PIAS1: variants seen among roughly 807,000 people sequenced by gnomAD.
The protein encoded by PIAS1 is protein inhibitor of activated STAT 1.
A neutral mutation model predicts 71.3 loss-of-function variants in PIAS1; 6 were observed. The ratio of observed to expected loss-of-function variants is 0.08; its 90% CI spans 0.05 to 0.17. PIAS1 has a LOEUF of 0.17. PIAS1 is among the 10% of genes least tolerant of loss of function. PIAS1 has a pLI of 1.00. For missense variants in PIAS1, 555 were observed against 793.6 expected (o/e 0.70, Z 3.61); for synonymous variants, 303 against 292.9 (o/e 1.03, Z -0.35).
chr15:68,063,838 C>T (rs1287839669), intron 1 of PIAS1, among the ~76,000 whole-genome samples: 1 of 151,588 alleles, frequency 6.6e-6, no homozygotes, highest in Non-Finnish European at 1.5e-5. Context: ...CTGCCAGCAC[C>T]TTGGCACAAA....
intron 1 of PIAS1, among the ~76,000 whole-genome samples, chr15:68,060,915 C>T (rs1471835711): frequency 2.0e-5 from 3 of 152,228 alleles, no homozygotes; most frequent in Non-Finnish European, 4.4e-5. Context: ...ATCTCTTGAC[C>T]TCGTAATCTG....
In PIAS1 at chr15:68,192,521, C is replaced by T. The variant is rs1443597537; in HGVS notation, c.*4686C>T. ...TTGGGCCATTTATTTACCCTCACCCCACAAAACTCTTTGGCTCCTAGGAAT... is the reference window on the plus strand; with the variant it reads ...TTGGGCCATTTATTTACCCTCACCCTACAAAACTCTTTGGCTCCTAGGAAT... On this transcript the variant is annotated 3_prime_UTR_variant, in exon 14 of 14. Coordinates refer to ENST00000249636, the MANE Select transcript of PIAS1 (RefSeq NM_016166.3). The T allele has an allele frequency of 6.6e-6, 1 of 152,202 alleles. No homozygotes were observed. Among genetic ancestry groups the T allele is most frequent in the Non-Finnish European group, 1.5e-5 (1 of 68,058 alleles). The allele number at this position is 152,202 out of a possible 1,614,324, so 9.4% of individuals were successfully genotyped here. A position where few individuals can be genotyped will look rare whatever the true frequency, so the allele number is the denominator to read the frequency against.
rs545220482 is a variant in PIAS1 at position 68,077,879 on chromosome 15, A to G, written c.25-8427A>G. On this transcript the variant is annotated intron_variant, in intron 1 of 13. Coordinates refer to ENST00000249636, the MANE Select transcript of PIAS1 (RefSeq NM_016166.3). ...TCTAGGACTTTTCCTTAATCTCTAT[A>G]CTAGGACCCAGACTGAAGGCTGTAA... Among the ~76,000 whole-genome samples, 11 of 152,282 alleles carry G rather than the reference A, an allele frequency of 7.2e-5. No homozygotes were observed. In the South Asian group the frequency reaches 2.1e-3, roughly 29 times the overall value.
At chr15:68,085,027 TCTC>T (rs1305678031) in intron 1 of PIAS1, among the ~76,000 whole-genome samples, 3 of 152,178 alleles carry the variant, frequency 2.0e-5, no homozygotes, top group South Asian at 2.1e-4. Flanking sequence ...TATATACTTT[TCTC>T]CTCAGTATTT....
intron 2 of PIAS1, among the ~76,000 whole-genome samples, chr15:68,099,851 GT>G (rs2092408274): frequency 6.6e-6 from 1 of 151,658 alleles, no homozygotes; most frequent in African/African-American, 2.4e-5. Flanking sequence ...ACTCATTTTG[GT>G]TTTAATTTAC....
Position 68,086,882 on chromosome 15 carries a change from T to G in PIAS1, c.469+132T>G. On this transcript the variant is annotated intron_variant, in intron 2 of 13. Transcript: ENST00000249636. This position sits in a 1 kb window ranked among gnomAD's most constrained non-coding sequence, Gnocchi z 7.2. Reference sequence around the variant, plus strand: ...AGTAACAGCTGGATAATAATGAAGATCTTTCAAATTTAGATAAAATCAAAT... The same window carrying G: ...AGTAACAGCTGGATAATAATGAAGAGCTTTCAAATTTAGATAAAATCAAAT... 1 of 585,770 alleles carries G rather than the reference T, an allele frequency of 1.7e-6. No individual in the cohort carries two copies. Among genetic ancestry groups the G allele is most frequent in the Non-Finnish European group, 3.0e-6 (1 of 333,832 alleles). 36.3% of individuals were successfully genotyped at this position (585,770 alleles called of 1,614,324 possible). A position where few individuals can be genotyped will look rare whatever the true frequency, so the allele number is the denominator to read the frequency against.
At chr15:68,136,123 C>T (rs1472869239) in intron 2 of PIAS1, among the ~76,000 whole-genome samples, 2 of 51,928 alleles carry the variant, frequency 3.9e-5, no homozygotes, top group Admixed American at 1.6e-4. Context: ...CCAGACTGGG[C>T]AGCCAGGCAG....
rs1166484451 is a variant in PIAS1, at chr15:68,072,399, C to CAAAAAAA, written c.25-13884_25-13878dup. Among the ~76,000 whole-genome samples, 15 of 25,026 alleles carry CAAAAAAA rather than the reference C, an allele frequency of 6.0e-4. 1 individual carries two copies. The highest frequency in any genetic ancestry group is 1.7e-3 in the African/African-American group (13 of 7,502). The allele number at this position is 25,026 out of a possible 152,430, so 16.4% of individuals were successfully genotyped here. ...TGGGTGACAGAGCGAGACTCCATCT[C>CAAAAAAA]AAAAAAAAAAAAAAAAAAAAAAAAA... On this transcript the variant is annotated intron_variant, in intron 1 of 13. Coordinates refer to ENST00000249636, the MANE Select transcript of PIAS1 (RefSeq NM_016166.3).
chr15:68,117,163 C>T (rs1017881934), intron 2 of PIAS1, among the ~76,000 whole-genome samples: 1 of 152,176 alleles, frequency 6.6e-6, no homozygotes, highest in Non-Finnish European at 1.5e-5. Flanking sequence ...TACTGTTTCA[C>T]TGCAGCCTCT....
At chr15:68,108,924 G>A (rs1446319699) in intron 2 of PIAS1, among the ~76,000 whole-genome samples, 1 of 152,104 alleles carries the variant, frequency 6.6e-6, no homozygotes, top group East Asian at 1.9e-4. Flanking sequence ...GTTAATCTCT[G>A]TGCCTACCTT....
chr15:68,056,627 G>A (rs1281845475), intron 1 of PIAS1, among the ~76,000 whole-genome samples: 1 of 152,006 alleles, frequency 6.6e-6, no homozygotes, highest in Non-Finnish European at 1.5e-5. Context: ...GGAGCTGTGT[G>A]ATAAATTGCT....
chr15:68,055,107 G>A, intron 1 of PIAS1: 1 of 569,334 alleles, frequency 1.8e-6, no homozygotes, highest in Non-Finnish European at 2.2e-6. Context: ...GTCTTTGGAA[G>A]CAGTGTTGGG....
chr15:68,141,036 A>G (rs940049425), intron 2 of PIAS1, among the ~76,000 whole-genome samples: 1 of 152,160 alleles, frequency 6.6e-6, no homozygotes, highest in South Asian at 2.1e-4. Context: ...AAAAAAATGT[A>G]TCTAACATGT....
chr15:68,064,371 G>A (rs2091993640), intron 1 of PIAS1, among the ~76,000 whole-genome samples: 1 of 152,204 alleles, frequency 6.6e-6, no homozygotes, highest in Non-Finnish European at 1.5e-5. Context: ...TGATATTAAT[G>A]AATGTGTTAT....
At chr15:68,076,813 C>G (rs1208914903) in intron 1 of PIAS1, among the ~76,000 whole-genome samples, 1 of 152,154 alleles carries the variant, frequency 6.6e-6, no homozygotes, top group Non-Finnish European at 1.5e-5. Context: ...TACTTGGTGT[C>G]ATTAACTATA....
chr15:68,164,681 C>A, intron 7 of PIAS1, 50 bp from the exon 8 acceptor site: 3 of 1,022,126 alleles, frequency 2.9e-6, no homozygotes, highest in African/African-American at 1.6e-5. Context: ...AGTAATGTAT[C>A]TTTAATAAAA....
At position 68,119,081 on chromosome 15, in the gene PIAS1, A is replaced by G. The variant is rs1356414915; in HGVS notation, c.470-22865A>G. ...ATATAAAGAACTCAAACAACTCAGC[A>G]GCAACAAACCAAATAACCCAATTAA... is the stretch of plus-strand genomic sequence containing the variant. On this transcript the variant is annotated intron_variant, in intron 2 of 13. Coordinates refer to ENST00000249636, the MANE Select transcript of PIAS1 (RefSeq NM_016166.3). Among the ~76,000 whole-genome samples, 3 of 138,898 alleles carry G rather than the reference A, an allele frequency of 2.2e-5. No individual in the cohort carries two copies. The East Asian group carries it at 6.5e-4, about 30-fold the overall frequency. The allele number at this position is 138,898 out of a possible 152,430, so 91.1% of individuals were successfully genotyped here.
intron 2 of PIAS1, among the ~76,000 whole-genome samples, chr15:68,114,183 G>A (rs1478624252): frequency 6.6e-6 from 1 of 151,932 alleles, no homozygotes; most frequent in East Asian, 1.9e-4. Context: ...GTCAATTTTT[G>A]CTGCCTTTTT....
Position 68,141,992 on chromosome 15 carries a change from C to T in PIAS1, c.516C>T (p.Ala172=). 4 of 1,605,028 alleles carry T rather than the reference C, an allele frequency of 2.5e-6. No homozygotes were observed. Among genetic ancestry groups the T allele is most frequent in the Middle Eastern group, 1.7e-4 (1 of 6,056 alleles). The change falls in exon 3 of 14, where the codon GCC becomes GCT. Residue 172 remains alanine, a synonymous_variant. Coordinates refer to ENST00000249636, the MANE Select transcript of PIAS1 (RefSeq NM_016166.3). ...TTCGAGAAACCTGTTTTGCATTTGC[C>T]TTGACACCACAACAAGTGCAGCAAA... The part of the protein sequence containing the change: ...QRFRETCFAF[A]LTPQQVQQIS...
Sources: gnomAD v4.1 joint callset for allele counts (sites outside exome capture counted in the v4.1 genomes callset) on GRCh38, gnomAD v4.1.1 for gene constraint, Gnocchi (gnomAD v3.1) non-coding constraint, MANE v1.5 for transcripts, NCBI Gene and HGNC (gene_info 2026-07-23, HGNC 2026-07-21) for gene names.